Variants in MBD5 observed in about 807,000 individuals in gnomAD.
MBD5 encodes methyl-CpG-binding domain protein 5.
In MBD5, 13 loss-of-function variants were observed where a neutral mutation model predicts 117.3. That is an observed-to-expected ratio of 0.11 (90% CI 0.07 to 0.18). The LOEUF is 0.18. MBD5 is among the 10% of genes least tolerant of loss of function. MBD5 has a pLI of 1.00. For synonymous variants in MBD5, 727 were observed against 766.4 expected, an observed-to-expected ratio of 0.95 and a Z score of 0.85; for missense variants, 1,879 against 2,093.8, an observed-to-expected ratio of 0.90 and a Z score of 2.00.
chr2:148,116,217 A>G (rs1696637096), intron 1 of MBD5, among the ~76,000 whole-genome samples: 1 of 150,042 alleles, frequency 6.7e-6, no homozygotes, highest in Non-Finnish European at 1.5e-5. Flanking sequence ...CCTTCCCCCC[A>G]CCAAGAGACA....
At position 148,358,330 on chromosome 2, in the gene MBD5, G is replaced by A. The variant is rs114197780; in HGVS notation, c.-557+15994G>A. 9.0e-3 allele frequency among the ~76,000 whole-genome samples: 1,370 copies of A among 152,176 alleles called. 22 individuals are homozygous for A. The highest frequency in any genetic ancestry group is 0.032 in the African/African-American group (1,314 of 41,514). ...GTAATTATGTGATGCTTATAACACAGCCCAAGATATAGGTAATAGGGCTAC... is the reference window on the plus strand; with the variant it reads ...GTAATTATGTGATGCTTATAACACAACCCAAGATATAGGTAATAGGGCTAC... On this transcript the variant is annotated intron_variant, in intron 4 of 13. Coordinates refer to ENST00000642680, the MANE Select transcript of MBD5 (RefSeq NM_001378120.1).
intron 1 of MBD5, among the ~76,000 whole-genome samples, chr2:148,174,760 C>T (rs1698342010): frequency 6.8e-6 from 1 of 146,166 alleles, no homozygotes; most frequent in Non-Finnish European, 1.5e-5. Flanking sequence ...TATAATTTCA[C>T]ACCTCTCAGA....
chr2:148,162,910 T>C (rs889824662), intron 1 of MBD5, among the ~76,000 whole-genome samples: 1 of 152,150 alleles, frequency 6.6e-6, no homozygotes, highest in African/African-American at 2.4e-5. Context: ...AAAACTAATA[T>C]TCAGAGAACT....
intron 3 of MBD5, among the ~76,000 whole-genome samples, chr2:148,327,462 A>G (rs956988351): frequency 6.6e-6 from 1 of 152,160 alleles, no homozygotes; most frequent in Non-Finnish European, 1.5e-5. Context: ...CATTCTCCCC[A>G]TCACTTTCAG....
At chr2:148,477,158 C>G (rs949370955) in intron 8 of MBD5, among the ~76,000 whole-genome samples, 54 of 152,036 alleles carry the variant, frequency 3.6e-4, no homozygotes, top group African/African-American at 1.0e-3. Context: ...TTTTCTGACT[C>G]CATCACCACC....
At chr2:148,252,805 C>G (rs1700497714) in intron 3 of MBD5, among the ~76,000 whole-genome samples, 2 of 151,996 alleles carry the variant, frequency 1.3e-5, no homozygotes, top group African/African-American at 4.8e-5. Context: ...CTGCCTCAGC[C>G]TCCCAAAGTG....
intron 4 of MBD5, among the ~76,000 whole-genome samples, chr2:148,431,946 T>G (rs1415592880): frequency 6.6e-6 from 1 of 152,172 alleles, no homozygotes; most frequent in African/African-American, 2.4e-5. Context: ...TTAAGCTCTT[T>G]GAGAAATCAC....
At chr2:148,023,985 A>G (rs1693834992) in intron 1 of MBD5, among the ~76,000 whole-genome samples, 1 of 152,082 alleles carries the variant, frequency 6.6e-6, no homozygotes, top group South Asian at 2.1e-4. Context: ...CTGAAGTTCT[A>G]AGAACTTGAA....
chr2:148,327,230 T>A (rs967035906), intron 3 of MBD5, among the ~76,000 whole-genome samples: 2 of 152,152 alleles, frequency 1.3e-5, no homozygotes, highest in African/African-American at 2.4e-5. Context: ...GGGCTTCCCT[T>A]TGAGGGTAGC....
intron 8 of MBD5, chr2:148,471,591 A>C (rs547608311): frequency 3.9e-5 from 6 of 152,112 alleles, no homozygotes; most frequent in Non-Finnish European, 8.8e-5. Context: ...TTTGTTGCTG[A>C]TAGTAAAAGC....
intron 1 of MBD5, among the ~76,000 whole-genome samples, chr2:148,041,583 CCAGTTTACAA>C (rs1694360719): frequency 6.6e-6 from 1 of 152,090 alleles, no homozygotes; most frequent in African/African-American, 2.4e-5. Flanking sequence ...AAGATGAGAA[CCAGTTTACAA>C]CAGGCCATCT....
intron 3 of MBD5, among the ~76,000 whole-genome samples, chr2:148,305,444 A>G (rs1574264289): frequency 6.6e-6 from 1 of 152,254 alleles, no homozygotes; most frequent in Non-Finnish European, 1.5e-5. Flanking sequence ...ATTAATGTCT[A>G]CAAACCCAGT....
chr2:148,296,863 A>AT (rs1559010681), intron 3 of MBD5, among the ~76,000 whole-genome samples: 831 of 37,682 alleles, frequency 0.022, 105 homozygotes, highest in Non-Finnish European at 0.035. Flanking sequence ...TTAGTTCTTC[A>AT]ATTTTTTTTT....
intron 3 of MBD5, among the ~76,000 whole-genome samples, chr2:148,291,905 A>T (rs148959001): frequency 5.1e-4 from 77 of 152,314 alleles, no homozygotes; most frequent in African/African-American, 1.7e-3. Context: ...ACCTAGAAAC[A>T]AATCCATACA....
intron 2 of MBD5, among the ~76,000 whole-genome samples, chr2:148,224,965 G>C (rs956523640): frequency 2.6e-5 from 4 of 151,944 alleles, no homozygotes; most frequent in South Asian, 2.1e-4. Flanking sequence ...TATAGGTGAA[G>C]TGTATTTCTC....
chr2:148,188,612 G>A (rs1475836465), intron 2 of MBD5, among the ~76,000 whole-genome samples: 1 of 151,086 alleles, frequency 6.6e-6, no homozygotes, highest in Non-Finnish European at 1.5e-5. Context: ...GAGCCCAGGA[G>A]GTTGAGGCTG....
intron 4 of MBD5, among the ~76,000 whole-genome samples, chr2:148,392,893 CAG>C (rs1413980084): frequency 1.3e-5 from 2 of 151,986 alleles, no homozygotes; most frequent in East Asian, 1.9e-4. Flanking sequence ...TCATTGTTAA[CAG>C]GGGATAATGG....
intron 3 of MBD5, among the ~76,000 whole-genome samples, chr2:148,326,918 T>C (rs1394170406): frequency 6.6e-6 from 1 of 150,856 alleles, no homozygotes; most frequent in Non-Finnish European, 1.5e-5. Context: ...GTTGATGCAG[T>C]TTCTTCCCAG....
intron 3 of MBD5, among the ~76,000 whole-genome samples, chr2:148,263,320 G>A (rs762069742): frequency 2.0e-5 from 3 of 152,166 alleles, no homozygotes; most frequent in Admixed American, 6.5e-5. Flanking sequence ...ATATATCGTG[G>A]CACAAATGTA....
Sources: gnomAD v4.1 joint callset for allele counts (sites outside exome capture counted in the v4.1 genomes callset) on GRCh38, gnomAD v4.1.1 for gene constraint, MANE v1.5 for transcripts, NCBI Gene and HGNC (gene_info 2026-07-23, HGNC 2026-07-21) for gene names.